Variants in ZZEF1 observed in about 807,000 individuals in gnomAD.
ZZEF1 encodes zinc finger ZZ-type and EF-hand domain containing 1.
In ZZEF1, 157 loss-of-function variants were observed where a neutral mutation model predicts 342.8. The ratio of observed to expected loss-of-function variants is 0.46; its 90% CI spans 0.40 to 0.52. The LOEUF (loss-of-function observed/expected upper bound fraction) is 0.52. Among genes scored for constraint, ZZEF1 ranks in the 20% least tolerant of loss-of-function variants. The pLI is 0.00. For missense variants in ZZEF1, 3,480 were observed against 3,725.6 expected (o/e 0.93, Z 1.72); for synonymous variants, 1,505 against 1,429.1 (o/e 1.05, Z -1.20).
intron 30 of ZZEF1, 60 bp from the exon 31 acceptor site, chr17:4,059,350 A>C (rs190626855): frequency 6.4e-7 from 1 of 1,562,450 alleles, no homozygotes; most frequent in Admixed American, 2.2e-5. Flanking sequence ...TCTTAATAAT[A>C]ATAATGATTT....
At chr17:4,018,562 A>T (rs1248744178) in intron 46 of ZZEF1, among the ~76,000 whole-genome samples, 1 of 152,208 alleles carries the variant, frequency 6.6e-6, no homozygotes, top group Non-Finnish European at 1.5e-5. Flanking sequence ...GGAAACTGAC[A>T]CACAGAAAAC....
intron 31 of ZZEF1, 30 bp from the exon 32 acceptor site, chr17:4,058,185 G>A (rs1338900015): frequency 1.3e-6 from 2 of 1,592,466 alleles, no homozygotes; most frequent in Admixed American, 3.5e-5. Context: ...ACCATTAGCA[G>A]AGCTGCTTAC....
In ZZEF1 at chr17:4,018,198, T is replaced by C. The variant is rs76186835; in HGVS notation, c.7506-227A>G. Reference sequence around the variant, plus strand: ...ATGCAAACTCTCCTGCAAAATCCATTCTCCTTTTCTATCTTTTCCATTTTT... The same window carrying C: ...ATGCAAACTCTCCTGCAAAATCCATCCTCCTTTTCTATCTTTTCCATTTTT... On this transcript the variant is annotated intron_variant, in intron 46 of 54. Transcript: ENST00000381638. 3.2e-3 allele frequency among the ~76,000 whole-genome samples: 492 copies of C among 152,270 alleles called. 22 individuals are homozygous for C. In the East Asian group the frequency reaches 0.082, roughly 26 times the overall value.
chr17:4,128,284 G>T (rs1184817481), intron 1 of ZZEF1, among the ~76,000 whole-genome samples: 1 of 144,842 alleles, frequency 6.9e-6, no homozygotes, highest in Non-Finnish European at 1.5e-5. Context: ...GGAGGCAGAG[G>T]TTGCAGTGAG....
In ZZEF1 at chr17:4,104,811, G is replaced by A. The variant is rs990940335; in HGVS notation, c.1395C>T (p.Ser465=). The change falls in exon 8 of 55, where the codon AGC becomes AGT. Residue 465 remains serine (S), a splice_region_variant and synonymous_variant. Transcript: ENST00000381638. ...GTTCTACCTCTGGGGTAGAACAGCA[G>A]CTATAAGCAAAGAGCAAAAACTTTT... The part of the protein sequence containing the change: ...EVDSFLIRIT[S]CCSTPEVELT... The A allele has an allele frequency of 3.1e-6, 5 of 1,609,716 alleles. No individual in the cohort carries two copies. In the Admixed American group the frequency reaches 5.1e-5, roughly 16 times the overall value.
intron 26 of ZZEF1, among the ~76,000 whole-genome samples, chr17:4,068,477 G>C (rs1287387821): frequency 6.6e-6 from 1 of 152,126 alleles, no homozygotes; most frequent in Non-Finnish European, 1.5e-5. Context: ...AGTAGTGACA[G>C]GGTTTCATCA....
intron 9 of ZZEF1, among the ~76,000 whole-genome samples, chr17:4,099,292 A>C (rs1365621784): frequency 5.9e-5 from 9 of 152,226 alleles, no homozygotes; most frequent in African/African-American, 2.2e-4. Context: ...TGGTACAATC[A>C]TAACTCACTG....
Position 4,075,257 on chromosome 17 carries a change from T to C in ZZEF1, c.3401+6A>G. On this transcript the variant is annotated splice_donor_region_variant and intron_variant, in intron 22 of 54. Coordinates refer to ENST00000381638, the MANE Select transcript of ZZEF1 (RefSeq NM_015113.4). Reference sequence around the variant, plus strand: ...GCTTGGGGGTGAAAGAATATAGAAGTCTTACCTTTTTTCAGTTTCACACCT... The same window carrying C: ...GCTTGGGGGTGAAAGAATATAGAAGCCTTACCTTTTTTCAGTTTCACACCT... The C allele has an allele frequency of 6.2e-7, 1 of 1,614,044 alleles. No individual in the cohort carries two copies. Among genetic ancestry groups the C allele is most frequent in the Non-Finnish European group, 8.5e-7 (1 of 1,179,916 alleles).
chr17:4,139,421 G>A (rs2058806644), intron 1 of ZZEF1, among the ~76,000 whole-genome samples: 1 of 152,194 alleles, frequency 6.6e-6, no homozygotes, highest in Non-Finnish European at 1.5e-5. Flanking sequence ...AAAAACGAAT[G>A]ACGGAAACAA....
chr17:4,108,272 A>G (rs1340875692), intron 6 of ZZEF1, among the ~76,000 whole-genome samples: 1 of 152,222 alleles, frequency 6.6e-6, no homozygotes, highest in African/African-American at 2.4e-5. Context: ...CAATGAGAAC[A>G]AAGCATCACT....
intron 6 of ZZEF1, among the ~76,000 whole-genome samples, chr17:4,106,111 G>A (rs757278808): frequency 1.5e-4 from 23 of 152,194 alleles, no homozygotes; most frequent in Non-Finnish European, 2.2e-4. Flanking sequence ...CACCACGCTT[G>A]ACTAATTTGT....
rs1169165866 is a variant in ZZEF1 at position 4,021,120 on chromosome 17, A to C, written c.7404+9T>G. 6.2e-7 allele frequency: 1 copy of C among 1,604,514 alleles called. No homozygotes were observed. The highest frequency in any genetic ancestry group is 8.5e-7 in the Non-Finnish European group (1 of 1,174,796). On this transcript the variant is annotated intron_variant, in intron 45 of 54. Transcript: ENST00000381638. ...CCCTCCTAAGCCACAAGATGACTCAAGAACACACCAAGAAACATATTCTGG... is the reference window on the plus strand; with the variant it reads ...CCCTCCTAAGCCACAAGATGACTCACGAACACACCAAGAAACATATTCTGG...
Position 4,057,230 on chromosome 17 carries a change from C to A in ZZEF1, c.5165+764G>T, listed in dbSNP as rs956579842. On this transcript the variant is annotated intron_variant, in intron 32 of 54. Transcript: ENST00000381638. Reference sequence around the variant, plus strand: ...CACAGCCAAGATCCACAGGCTCATGCCCCCTAGTGCTGCCCCGCCTCTGCC... The same window carrying A: ...CACAGCCAAGATCCACAGGCTCATGACCCCTAGTGCTGCCCCGCCTCTGCC... 2.6e-5 allele frequency among the ~76,000 whole-genome samples: 4 copies of A among 152,310 alleles called. No individual in the cohort carries two copies. The South Asian group carries it at 8.3e-4, about 32-fold the overall frequency.
chr17:4,142,995 G>A lies in ZZEF1; in HGVS notation c.-100C>T, dbSNP rs1362056054. The A allele has an allele frequency of 2.4e-5, 30 of 1,270,546 alleles. No individual in the cohort carries two copies. Among genetic ancestry groups the A allele is most frequent in the Middle Eastern group, 2.9e-4 (1 of 3,402 alleles). 78.7% of individuals were successfully genotyped at this position (1,270,546 alleles called of 1,614,324 possible). On this transcript the variant is annotated 5_prime_UTR_variant, in exon 1 of 55. Transcript: ENST00000381638. ...AGCAGCTGGCGGGCGGGGACGCGGA[G>A]GAGACGACGGCGGCCCCTGCGGCTT... is the stretch of plus-strand genomic sequence containing the variant.
Position 4,142,805 on chromosome 17 carries a change from A to G in ZZEF1, c.91T>C (p.Ser31Pro). 1 of 1,407,900 alleles carries G rather than the reference A, an allele frequency of 7.1e-7. No homozygotes were observed. The highest frequency in any genetic ancestry group is 9.1e-7 in the Non-Finnish European group (1 of 1,092,904). The allele number at this position is 1,407,900 out of a possible 1,614,324, so 87.2% of individuals were successfully genotyped here. The stretch of plus-strand genomic sequence containing the variant: ...ACGCCCGGGCCGGGGGTCGTGCCCG[A>G]GACCGCGGCCCAGTCCTGGTGTGGG... Reference protein sequence around the residue: ...WGPHQDWAAVSGTTPGPGVAA... With the variant: ...WGPHQDWAAVPGTTPGPGVAA... Residue 31 changes from serine to proline, a missense_variant, in exon 1 of 55, where the codon TCG becomes CCG. Transcript: ENST00000381638.
intron 25 of ZZEF1, 41 bp from the exon 26 acceptor site, chr17:4,070,965 T>C: frequency 6.3e-7 from 1 of 1,587,426 alleles, no homozygotes; most frequent in Non-Finnish European, 8.6e-7. Flanking sequence ...AACACATTCA[T>C]TCAAAAAATA....
intron 46 of ZZEF1, among the ~76,000 whole-genome samples, chr17:4,019,213 G>A (rs1172310392): frequency 6.6e-6 from 1 of 152,190 alleles, no homozygotes; most frequent in East Asian, 1.9e-4. Flanking sequence ...GGATACGGGG[G>A]ATGGAGGAGA....
intron 1 of ZZEF1, among the ~76,000 whole-genome samples, chr17:4,140,658 T>G (rs1397146948): frequency 6.6e-6 from 1 of 152,216 alleles, no homozygotes; most frequent in Non-Finnish European, 1.5e-5. Context: ...AAGTATTTCT[T>G]GACCTTCTAT....
At chr17:4,105,599 T>C in intron 7 of ZZEF1, 94 bp downstream of exon 7, 1 of 976,016 alleles carries the variant, frequency 1.0e-6, no homozygotes. Context: ...TTAGTGGTGA[T>C]CGTTAAAAGA....
Sources: allele counts gnomAD v4.1 joint callset (sites outside exome capture counted in the v4.1 genomes callset), GRCh38; gene constraint gnomAD v4.1.1; transcripts MANE v1.5; gene names NCBI Gene and HGNC (gene_info 2026-07-23, HGNC 2026-07-21).